Variants in CD5 observed in about 807,000 individuals in gnomAD.
The protein encoded by CD5 is CD5 molecule.
In CD5, 36 loss-of-function variants were observed where a neutral mutation model predicts 60.3. The ratio of observed to expected loss-of-function variants is 0.60; its 90% confidence interval spans 0.46 to 0.79. The LOEUF is 0.79. CD5 is among the 30% of genes least tolerant of loss of function. The probability of loss-of-function intolerance (pLI) is 0.00; values close to 1 mark genes in which losing one functional copy is unlikely to be tolerated. For missense variants in CD5, 540 were observed against 630.6 expected, an observed-to-expected ratio of 0.86 and a Z score of 1.54; for synonymous variants, 230 against 257.6, an observed-to-expected ratio of 0.89 and a Z score of 1.03.
rs150247520 is a variant in CD5 at position 61,116,289 on chromosome 11, G to A, written c.94+1195G>A. 5.6e-4 allele frequency among the ~76,000 whole-genome samples: 85 copies of A among 151,896 alleles called. No homozygotes were observed. The East Asian group carries it at 0.015, about 27-fold the overall frequency. On this transcript the variant is annotated intron_variant, in intron 2 of 10. Transcript: ENST00000347785. ...ATCTCTATTCCCGTCTATCCCAGTC[G>A]CCCCCGACGTCGACCCCAACACCCC...
At chr11:61,102,291 G>A (rs1860704729), upstream of CD5, 2 of 528,342 alleles carry the variant, frequency 3.8e-6, no homozygotes, top group African/African-American at 1.9e-5. Context: ...GGGTGGCCGA[G>A]AGCACTGCCC....
intron 2 of CD5, among the ~76,000 whole-genome samples, chr11:61,116,783 C>T (rs1432462270): frequency 1.4e-5 from 2 of 142,144 alleles, no homozygotes; most frequent in African/African-American, 5.4e-5. Flanking sequence ...CACCACCACA[C>T]ACACACACCA....
chr11:61,114,980 C>T, intron 1 of CD5, 76 bp from the exon 2 acceptor site: 1 of 1,414,680 alleles, frequency 7.1e-7, no homozygotes, highest in Non-Finnish European at 9.7e-7. Flanking sequence ...ATTGCTCGGG[C>T]TGTGGGTGGG....
intron 4 of CD5, 34 bp from the exon 5 acceptor site, chr11:61,119,199 AG>A: frequency 6.5e-7 from 1 of 1,530,002 alleles, no homozygotes; most frequent in African/African-American, 1.4e-5. Flanking sequence ...CTCGGCGCTC[AG>A]GGTGGCTCCC....
In CD5 at chr11:61,118,915, A is replaced by C. The variant is rs1861006141; in HGVS notation, c.401A>C (p.Glu134Ala). 1 of 1,613,414 alleles carries C rather than the reference A, an allele frequency of 6.2e-7. No homozygotes were observed. The highest frequency in any genetic ancestry group is 1.3e-5 in the African/African-American group (1 of 74,860). The change falls in exon 4 of 11, where the codon GAA becomes GCA. Residue 134 changes from glutamate to alanine, a missense_variant and splice_region_variant. Transcript: ENST00000347785. This position sits in a 1 kb window ranked among gnomAD's most constrained non-coding sequence, Gnocchi z 4.7. ...MCHSLGLTCL[E>A]PQKTTPPTTR... ...CCCTCACCAGAGTGTCTCATTGCAG[A>C]ACCCCAGAAGACAACACCTCCAACG...
At chr11:61,111,873 C>T (rs930148789) in intron 1 of CD5, among the ~76,000 whole-genome samples, 1 of 152,352 alleles carries the variant, frequency 6.6e-6, no homozygotes, top group African/African-American at 2.4e-5. Flanking sequence ...GGGCTAAGCC[C>T]TTTACACCGA....
At chr11:61,110,757 G>A (rs931227493) in intron 1 of CD5, among the ~76,000 whole-genome samples, 2 of 152,176 alleles carry the variant, frequency 1.3e-5, no homozygotes, top group Non-Finnish European at 2.9e-5. Context: ...CTGTAAAATC[G>A]GGACCAAAAT....
At chr11:61,123,196 G>A (rs1207464112) in intron 7 of CD5, among the ~76,000 whole-genome samples, 164 bp downstream of exon 7, 1 of 152,144 alleles carries the variant, frequency 6.6e-6, no homozygotes, top group African/African-American at 2.4e-5. Flanking sequence ...GCCATTTTCT[G>A]CCCCAAGTAA....
chr11:61,112,437 AG>A (rs1860870143), intron 1 of CD5, among the ~76,000 whole-genome samples: 1 of 152,180 alleles, frequency 6.6e-6, no homozygotes, highest in Non-Finnish European at 1.5e-5. Context: ...TGAGGTCAGG[AG>A]TTCAAGACCA....
chr11:61,101,911 TACACACAC>T (rs35648034), upstream of CD5, among the ~76,000 whole-genome samples: 1,218 of 142,440 alleles, frequency 8.6e-3, 7 homozygotes, highest in African/African-American at 0.012. Context: ...TCTCTCTCTC[TACACACAC>T]ACACACACAC....
intron 1 of CD5, among the ~76,000 whole-genome samples, chr11:61,110,310 C>T (rs1002617454): frequency 2.0e-5 from 3 of 152,116 alleles, no homozygotes; most frequent in East Asian, 3.8e-4. Flanking sequence ...TACATCTCAC[C>T]GCCCTCCCTC....
upstream of CD5, among the ~76,000 whole-genome samples, chr11:61,099,170 C>G (rs1007538903): frequency 1.3e-5 from 2 of 152,248 alleles, no homozygotes; most frequent in Non-Finnish European, 2.9e-5. Context: ...AACAGGGACA[C>G]GGAGCTCACA....
At position 61,118,656 on chromosome 11, in the gene CD5, C is replaced by T. The variant is rs575150931; in HGVS notation, c.400+176C>T. 1.3e-5 allele frequency among the ~76,000 whole-genome samples: 2 copies of T among 152,370 alleles called. No homozygotes were observed. The highest frequency in any genetic ancestry group is 1.3e-4 in the Admixed American group (2 of 15,314). Reference sequence around the variant, plus strand: ...AGGGGGACTGGAAGGGGCCAGCACCCATCTGTAGGATGGCAATGGAGGACC... The same window carrying T: ...AGGGGGACTGGAAGGGGCCAGCACCTATCTGTAGGATGGCAATGGAGGACC... On this transcript the variant is annotated intron_variant, in intron 3 of 10. Transcript: ENST00000347785. The surrounding 1 kb of genome is among the most constrained non-coding windows in gnomAD (Gnocchi z 4.7).
chr11:61,100,025 C>T (rs561139584), upstream of CD5, among the ~76,000 whole-genome samples: 124 of 145,916 alleles, frequency 8.5e-4, no homozygotes, highest in African/African-American at 2.9e-3. Context: ...ACATGGAGAT[C>T]ACACACACAC....
At chr11:61,124,056 C>A in intron 8 of CD5, 119 bp downstream of exon 8, 1 of 791,426 alleles carries the variant, frequency 1.3e-6, no homozygotes, top group Non-Finnish European at 2.1e-6. Context: ...CTCTGATCTC[C>A]ACGGTGCTTG....
chr11:61,112,966 G>T (rs942461915), intron 1 of CD5, among the ~76,000 whole-genome samples: 2 of 152,200 alleles, frequency 1.3e-5, no homozygotes, highest in Non-Finnish European at 2.9e-5. Flanking sequence ...AAGAGACGGG[G>T]TCTTGCTATG....
At position 61,123,015 on chromosome 11, in the gene CD5, A is replaced by T. The variant is rs1476475108; in HGVS notation, c.1208A>T (p.Lys403Met). Residue 403 changes from lysine (K) to methionine (M), a missense_variant, in exon 7 of 11, where the codon AAG (lysine) becomes ATG (methionine). Coordinates refer to ENST00000347785, the MANE Select transcript of CD5 (RefSeq NM_014207.4). ...LLVVCGPLAY[K>M]KLVKKFRQKK... ...GTCGTGTGCGGCCCCCTTGCCTACA[A>T]GAAGCTAGTGAAGAAATGTAGGTGT... 3.1e-6 allele frequency: 5 copies of T among 1,613,028 alleles called. No individual in the cohort carries two copies. The highest frequency in any genetic ancestry group is 4.2e-6 in the Non-Finnish European group (5 of 1,179,586).
intron 5 of CD5, among the ~76,000 whole-genome samples, chr11:61,119,881 G>C (rs933927704): frequency 6.6e-6 from 1 of 152,138 alleles, no homozygotes; most frequent in Admixed American, 6.5e-5. Flanking sequence ...TCTCTTCGTG[G>C]GTCTGGGGGA....
At chr11:61,108,574 G>A (rs750212026) in intron 1 of CD5, among the ~76,000 whole-genome samples, 52 of 152,164 alleles carry the variant, frequency 3.4e-4, no homozygotes, top group Admixed American at 1.4e-3. Flanking sequence ...GATGACTGTC[G>A]TTTCAGAAAA....
Sources: gnomAD v4.1 joint callset for allele counts (sites outside exome capture counted in the v4.1 genomes callset) on GRCh38, gnomAD v4.1.1 for gene constraint, Gnocchi (gnomAD v3.1) non-coding constraint, MANE v1.5 for transcripts, NCBI Gene and HGNC (gene_info 2026-07-23, HGNC 2026-07-21) for gene names.